Variants in PARD3B observed in about 807,000 individuals in gnomAD.
The protein encoded by PARD3B is partitioning defective 3 homolog B.
Under a neutral mutation model 130.2 loss-of-function variants are expected in PARD3B, and 103 were observed. The observed-to-expected ratio is 0.79, with a 90% CI of 0.67 to 0.93. The LOEUF (loss-of-function observed/expected upper bound fraction) is 0.93. Ranked by LOEUF, PARD3B falls within the 40% of genes least tolerant of loss-of-function variation. The pLI is 0.00. For synonymous variants in PARD3B, 583 were observed against 553.2 expected (o/e 1.05, Z -0.76); for missense variants, 1,609 against 1,499.2 (o/e 1.07, Z -1.21).
At chr2:205,517,668 TGTTTGTTA>T (rs1234842531) in intron 21 of PARD3B, among the ~76,000 whole-genome samples, 4 of 152,172 alleles carry the variant, frequency 2.6e-5, no homozygotes, top group Admixed American at 6.5e-5. Context: ...TCAGTTGTGA[TGTTTGTTA>T]GTTTGTTAAT....
At chr2:204,893,207 G>A (rs1320409744) in intron 2 of PARD3B, among the ~76,000 whole-genome samples, 1 of 152,192 alleles carries the variant, frequency 6.6e-6, no homozygotes, top group East Asian at 1.9e-4. Flanking sequence ...GCTGTAAGAT[G>A]AGTAAGATGA....
At chr2:205,540,191 A>G (rs1314899551) in intron 21 of PARD3B, among the ~76,000 whole-genome samples, 2 of 151,802 alleles carry the variant, frequency 1.3e-5, no homozygotes, top group Admixed American at 1.3e-4. Context: ...GCATAATTTT[A>G]TATCCCGAGC....
At chr2:205,123,104 C>G (rs949111420) in intron 8 of PARD3B, among the ~76,000 whole-genome samples, 1 of 152,082 alleles carries the variant, frequency 6.6e-6, no homozygotes, top group African/African-American at 2.4e-5. Flanking sequence ...ATTAATCTGA[C>G]AGCAAAAAGA....
In PARD3B at chr2:205,619,231, T is replaced by C. The variant is rs2055525739; in HGVS notation, c.*3418T>C. ...GGAGGCTCATAAAGCTCATTTCTCT[T>C]TTCCCTGGTATGCACAAATATCAAG... On this transcript the variant is annotated 3_prime_UTR_variant, in exon 23 of 23. Coordinates refer to ENST00000406610, the MANE Select transcript of PARD3B (RefSeq NM_001302769.2). 1.3e-5 allele frequency: 2 copies of C among 152,344 alleles called. No homozygotes were observed. The highest frequency in any genetic ancestry group is 4.1e-4 in the South Asian group (2 of 4,828). 9.4% of individuals were successfully genotyped at this position (152,344 alleles called of 1,614,324 possible).
chr2:204,662,952 C>G (rs376336710), intron 1 of PARD3B, among the ~76,000 whole-genome samples: 1 of 152,118 alleles, frequency 6.6e-6, no homozygotes, highest in Non-Finnish European at 1.5e-5. Context: ...TTCCAAATGC[C>G]TGGTTTGCAT....
chr2:204,597,593 T>C (rs2033351485), intron 1 of PARD3B, among the ~76,000 whole-genome samples: 1 of 152,214 alleles, frequency 6.6e-6, no homozygotes, highest in Non-Finnish European at 1.5e-5. Flanking sequence ...CAGGTGATGT[T>C]GACCCTTTTT....
At chr2:204,828,533 T>C (rs528845834) in intron 2 of PARD3B, among the ~76,000 whole-genome samples, 1 of 152,326 alleles carries the variant, frequency 6.6e-6, no homozygotes, top group South Asian at 2.1e-4. Context: ...CTCAAAACTT[T>C]ACTTACGTCT....
At chr2:205,151,488 G>A (rs2033753904) in intron 10 of PARD3B, among the ~76,000 whole-genome samples, 1 of 152,164 alleles carries the variant, frequency 6.6e-6, no homozygotes, top group Non-Finnish European at 1.5e-5. Flanking sequence ...ACCTCTTCTT[G>A]TGGAATTGAT....
Position 205,562,658 on chromosome 2 carries a change from A to G in PARD3B, c.3260+9255A>G, listed in dbSNP as rs1035883450. Among the ~76,000 whole-genome samples the G allele has an allele frequency of 5.3e-5, 8 of 152,196 alleles. No homozygotes were observed. The highest frequency in any genetic ancestry group is 1.2e-4 in the Non-Finnish European group (8 of 68,038). Reference sequence around the variant, plus strand: ...AAAGAAGGTTGTTTTGTGCCTAGGCATCTGCTTAGAGTATTGCTCTATATC... The same window carrying G: ...AAAGAAGGTTGTTTTGTGCCTAGGCGTCTGCTTAGAGTATTGCTCTATATC... On this transcript the variant is annotated intron_variant, in intron 22 of 22. Transcript: ENST00000406610. This position sits in a 1 kb window ranked among gnomAD's most constrained non-coding sequence, Gnocchi z 5.4.
chr2:204,956,407 T>C (rs767835715), intron 2 of PARD3B, among the ~76,000 whole-genome samples: 9 of 152,218 alleles, frequency 5.9e-5, no homozygotes, highest in Non-Finnish European at 8.8e-5. Context: ...TTCCATATAC[T>C]ATTTTATGTC....
intron 20 of PARD3B, among the ~76,000 whole-genome samples, chr2:205,477,922 AG>A (rs2049082222): frequency 6.6e-6 from 1 of 152,204 alleles, no homozygotes; most frequent in Non-Finnish European, 1.5e-5. Flanking sequence ...GTAGGCACTT[AG>A]TAAATTTATT....
At chr2:204,867,994 G>A (rs765009725) in intron 2 of PARD3B, among the ~76,000 whole-genome samples, 1 of 152,170 alleles carries the variant, frequency 6.6e-6, no homozygotes, top group African/African-American at 2.4e-5. Flanking sequence ...CTCAGAGATT[G>A]ATGGAGCAGG....
chr2:204,581,248 A>G (rs551425085), intron 1 of PARD3B, among the ~76,000 whole-genome samples: 3 of 152,314 alleles, frequency 2.0e-5, no homozygotes, highest in Non-Finnish European at 1.5e-5. Context: ...GCTCTAACAC[A>G]GGTCTGTTCT....
At chr2:204,827,374 G>A (rs1214733233) in intron 2 of PARD3B, among the ~76,000 whole-genome samples, 3 of 152,150 alleles carry the variant, frequency 2.0e-5, no homozygotes, top group Non-Finnish European at 2.9e-5. Context: ...ATTTGTTCAT[G>A]TATTACATGA....
rs187281002 is a variant in PARD3B, at chr2:204,855,897, G to A, written c.223-109255G>A. Among the ~76,000 whole-genome samples the A allele has an allele frequency of 3.8e-3, 579 of 152,110 alleles. 2 individuals are homozygous for A. The highest frequency in any genetic ancestry group is 5.4e-3 in the Non-Finnish European group (365 of 67,988). ...GGATGGAATTTTTCTCTTTTTAAAGGCTATATAGTATTTCAGTGTAAACAT... is the reference window on the plus strand; with the variant it reads ...GGATGGAATTTTTCTCTTTTTAAAGACTATATAGTATTTCAGTGTAAACAT... On this transcript the variant is annotated intron_variant, in intron 2 of 22. Transcript: ENST00000406610.
chr2:204,691,797 C>CT (rs1393793015), intron 2 of PARD3B, among the ~76,000 whole-genome samples: 1 of 149,822 alleles, frequency 6.7e-6, no homozygotes, highest in Non-Finnish European at 1.5e-5. Flanking sequence ...ATTTTAACTG[C>CT]TTTTTAAACA....
intron 2 of PARD3B, among the ~76,000 whole-genome samples, chr2:204,962,163 A>T (rs1690796617): frequency 6.6e-6 from 1 of 152,162 alleles, no homozygotes; most frequent in South Asian, 2.1e-4. Flanking sequence ...AAGATTGTGT[A>T]AACAGATCAT....
At chr2:204,880,800 A>G (rs867306630) in intron 2 of PARD3B, among the ~76,000 whole-genome samples, 7 of 152,136 alleles carry the variant, frequency 4.6e-5, no homozygotes, top group African/African-American at 1.4e-4. Flanking sequence ...AAAAAATTGC[A>G]TAACCCTATA....
At chr2:205,093,268 C>G (rs1260169866) in intron 4 of PARD3B, among the ~76,000 whole-genome samples, 1 of 151,994 alleles carries the variant, frequency 6.6e-6, no homozygotes, top group East Asian at 1.9e-4. Flanking sequence ...CCAGTAAACC[C>G]CTTGCAAGTA....
Sources: allele counts gnomAD v4.1 joint callset (sites outside exome capture counted in the v4.1 genomes callset), GRCh38; gene constraint gnomAD v4.1.1; non-coding constraint Gnocchi (gnomAD v3.1); transcripts MANE v1.5; gene names NCBI Gene and HGNC (gene_info 2026-07-23, HGNC 2026-07-21).